The following CASQ2 variants were observed in gnomAD, a reference collection of about 807,000 sequenced individuals.
CASQ2 encodes calsequestrin 2, also known as calsequestrin-2.
In CASQ2, 49 loss-of-function variants were observed where a neutral mutation model predicts 46.5. That is an observed-to-expected ratio of 1.05 (90% CI 0.84 to 1.34). CASQ2 has a LOEUF of 1.34. CASQ2 is among the 40% of genes most tolerant of loss of function. The pLI, the probability that CASQ2 is intolerant of heterozygous loss-of-function variation, is 0.00. For missense variants in CASQ2, 486 were observed against 481.3 expected, an observed-to-expected ratio of 1.01 and a Z score of -0.09; for synonymous variants, 174 against 168.5, an observed-to-expected ratio of 1.03 and a Z score of -0.25.
rs1457055890 is a variant in CASQ2, at chr1:115,763,638, T to C, written c.234+4670A>G. 4.6e-5 allele frequency among the ~76,000 whole-genome samples: 7 copies of C among 152,216 alleles called. No individual in the cohort carries two copies. The East Asian group carries it at 9.6e-4, about 21-fold the overall frequency. On this transcript the variant is annotated intron_variant, in intron 1 of 10. Transcript: ENST00000261448. Reference sequence around the variant, plus strand: ...AAGTATCTTCTGTGTGCCAGAGCTATGCTCTTGCTGGGCAGCCTCATTCAA... The same window carrying C: ...AAGTATCTTCTGTGTGCCAGAGCTACGCTCTTGCTGGGCAGCCTCATTCAA...
rs369753638 is a variant in CASQ2, at chr1:115,706,195, CGT to C, written c.839-905_839-904del. ...GCGTGCGTGTGTGTATGTGTGTGTG[CGT>C]GTGTGTGTGCACGCGTGCATGTGCA... On this transcript the variant is annotated intron_variant, in intron 8 of 10. Coordinates refer to ENST00000261448, the MANE Select transcript of CASQ2 (RefSeq NM_001232.4). 4.4e-3 allele frequency among the ~76,000 whole-genome samples: 672 copies of C among 151,534 alleles called. 7 individuals carry two copies. Among genetic ancestry groups the C allele is most frequent in the African/African-American group, 0.015 (631 of 41,308 alleles).
intron 5 of CASQ2, among the ~76,000 whole-genome samples, chr1:115,728,669 C>T (rs1647677995): frequency 6.6e-6 from 1 of 152,132 alleles, no homozygotes; most frequent in East Asian, 1.9e-4. Flanking sequence ...GCACTGCTGC[C>T]AGGTGTTTTA....
chr1:115,749,474 G>A (rs766593673), intron 1 of CASQ2, among the ~76,000 whole-genome samples: 1 of 152,194 alleles, frequency 6.6e-6, no homozygotes, highest in Non-Finnish European at 1.5e-5. Flanking sequence ...TGGAGAAACA[G>A]AGCAGGCAAT....
rs932168186 is a variant in CASQ2, at chr1:115,723,143, G to A, written c.783+2365C>T. ...GGATTCTGGGCCAGGAAAAAGAGACGTTTTTCTTTTGCAGTAAAGGACATT... is the reference window on the plus strand; with the variant it reads ...GGATTCTGGGCCAGGAAAAAGAGACATTTTTCTTTTGCAGTAAAGGACATT... On this transcript the variant is annotated intron_variant, in intron 7 of 10. Coordinates refer to ENST00000261448, the MANE Select transcript of CASQ2 (RefSeq NM_001232.4). Among the ~76,000 whole-genome samples, 7 of 152,222 alleles carry A rather than the reference G, an allele frequency of 4.6e-5. No individual in the cohort carries two copies. In the South Asian group the frequency reaches 6.2e-4, roughly 14 times the overall value.
chr1:115,747,237 C>T (rs945258325), intron 1 of CASQ2, among the ~76,000 whole-genome samples: 2 of 152,088 alleles, frequency 1.3e-5, no homozygotes. Flanking sequence ...GGCTGTCTTT[C>T]ATCCATTCAA....
chr1:115,725,701 T>C, intron 6 of CASQ2, 148 bp from the exon 7 acceptor site: 2 of 1,032,792 alleles, frequency 1.9e-6, no homozygotes, highest in Non-Finnish European at 2.8e-6. Flanking sequence ...CCACTTATCT[T>C]CTAAGGAAAC....
chr1:115,747,923 A>G (rs1202577882), intron 1 of CASQ2, among the ~76,000 whole-genome samples: 1 of 152,134 alleles, frequency 6.6e-6, no homozygotes, highest in Admixed American at 6.5e-5. Flanking sequence ...CTTTTTCTGC[A>G]TGCCATTTTA....
intron 7 of CASQ2, among the ~76,000 whole-genome samples, chr1:115,723,456 G>T (rs1647462812): frequency 6.6e-6 from 1 of 151,934 alleles, no homozygotes; most frequent in African/African-American, 2.4e-5. Flanking sequence ...TTATTTTAGG[G>T]TAAAAAGCAA....
chr1:115,753,618 G>C (rs1648657235), intron 1 of CASQ2, among the ~76,000 whole-genome samples: 1 of 152,182 alleles, frequency 6.6e-6, no homozygotes, highest in South Asian at 2.1e-4. Context: ...CTGCGTGACT[G>C]CCGCTGGGGC....
intron 8 of CASQ2, among the ~76,000 whole-genome samples, chr1:115,712,945 C>A (rs1489426919): frequency 6.6e-6 from 1 of 151,982 alleles, no homozygotes; most frequent in Non-Finnish European, 1.5e-5. Context: ...AGTTAGTGGT[C>A]CTACTTGAGA....
intron 8 of CASQ2, among the ~76,000 whole-genome samples, chr1:115,714,074 C>A (rs150324981): frequency 3.3e-5 from 5 of 152,308 alleles, no homozygotes; most frequent in Non-Finnish European, 5.9e-5. Context: ...CTTCATATAA[C>A]TCTATGGCAG....
chr1:115,701,514 T>G, intron 10 of CASQ2, 88 bp from the exon 11 acceptor site: 1 of 852,584 alleles, frequency 1.2e-6, no homozygotes, highest in Non-Finnish European at 2.0e-6. Context: ...CTATGCTGAG[T>G]GCCCCCCGAC....
intron 3 of CASQ2, among the ~76,000 whole-genome samples, chr1:115,739,825 T>C (rs1474431420): frequency 1.3e-5 from 2 of 152,256 alleles, no homozygotes; most frequent in Admixed American, 6.5e-5. Flanking sequence ...GTTTATTGTT[T>C]GAAGCAGTTA....
At chr1:115,761,223 C>G (rs367707722) in intron 1 of CASQ2, among the ~76,000 whole-genome samples, 17 of 149,474 alleles carry the variant, frequency 1.1e-4, no homozygotes, top group African/African-American at 4.0e-4. Context: ...ATGGTGAAAC[C>G]CTGTCTCTAC....
At chr1:115,727,189 T>C (rs1016203022) in intron 5 of CASQ2, 67 bp from the exon 6 acceptor site, 18 of 1,228,516 alleles carry the variant, frequency 1.5e-5, no homozygotes, top group Middle Eastern at 2.1e-4. Flanking sequence ...GTGTTGTCCA[T>C]CTAAGATAAG....
At position 115,705,214 on chromosome 1, in the gene CASQ2, A is replaced by AC. The variant is rs1654322622; in HGVS notation, c.916_917insG (p.Ile306SerfsTer20). On this transcript the variant is annotated frameshift_variant, in exon 9 of 11. Transcript: ENST00000261448. LOFTEE classifies it high-confidence loss of function. ...CACCAGAGGAAAGTCGTCCGGGTCGATCCACAGGATGCTCAGATCGGGGTT... is the reference window on the plus strand; with the variant it reads ...CACCAGAGGAAAGTCGTCCGGGTCGACTCCACAGGATGCTCAGATCGGGGTT... 1.2e-6 allele frequency: 2 copies of AC among 1,613,450 alleles called. No individual in the cohort carries two copies. The highest frequency in any genetic ancestry group is 1.7e-6 in the Non-Finnish European group (2 of 1,179,464).
chr1:115,766,986 C>G (rs1328922326), intron 1 of CASQ2, among the ~76,000 whole-genome samples: 61 of 152,132 alleles, frequency 4.0e-4, no homozygotes, highest in Admixed American at 4.0e-3. Context: ...CTTGCCTGTA[C>G]TGGCCACCCA....
rs28730719 is a variant in CASQ2, at chr1:115,744,788, G to A, written c.319+40C>T. The stretch of plus-strand genomic sequence containing the variant: ...ACTTTTCCTTTTGCAAGACACATTC[G>A]TTTCTTTCCCACATACAGTATCTCA... On this transcript the variant is annotated intron_variant, in intron 2 of 10. Transcript: ENST00000261448. The A allele has an allele frequency of 3.7e-4, 499 of 1,363,990 alleles. 1 individual carries two copies. The African/African-American group carries it at 6.3e-3, about 17-fold the overall frequency. 84.5% of individuals were successfully genotyped at this position (1,363,990 alleles called of 1,614,324 possible).
chr1:115,707,734 G>GA lies in CASQ2; in HGVS notation c.839-2443dup, dbSNP rs564064279. On this transcript the variant is annotated intron_variant, in intron 8 of 10. Coordinates refer to ENST00000261448, the MANE Select transcript of CASQ2 (RefSeq NM_001232.4). ...ACTTCAGTTACTGTTTTTAGCTGCA[G>GA]AAAATAAAGAAATGATAATCAATGA... 3.6e-3 allele frequency among the ~76,000 whole-genome samples: 548 copies of GA among 152,282 alleles called. 2 individuals are homozygous for GA. Among genetic ancestry groups the GA allele is most frequent in the African/African-American group, 0.013 (528 of 41,560 alleles).
Sources: allele counts gnomAD v4.1 joint callset (sites outside exome capture counted in the v4.1 genomes callset), GRCh38; gene constraint gnomAD v4.1.1; transcripts MANE v1.5; gene names NCBI Gene and HGNC (gene_info 2026-07-23, HGNC 2026-07-21).